The following SORCS3 variants were observed in gnomAD, a reference collection of about 807,000 sequenced individuals.
SORCS3 encodes the protein sortilin related VPS10 domain containing receptor 3.
A neutral mutation model predicts 146.3 loss-of-function variants in SORCS3; 57 were observed. That is an observed-to-expected ratio of 0.39 (90% CI 0.31 to 0.49). The LOEUF is 0.49. Ranked by LOEUF, SORCS3 falls within the 20% of genes least tolerant of loss-of-function variation. The probability of loss-of-function intolerance (pLI) is 0.92; values close to 1 mark genes in which losing one functional copy is unlikely to be tolerated. For missense variants in SORCS3, 1,341 were observed against 1,575.5 expected (o/e 0.85, Z 2.52); for synonymous variants, 653 against 618.5 (o/e 1.06, Z -0.83).
At chr10:105,120,531 C>T (rs2055924837) in intron 7 of SORCS3, among the ~76,000 whole-genome samples, 1 of 152,078 alleles carries the variant, frequency 6.6e-6, no homozygotes, top group Non-Finnish European at 1.5e-5. Context: ...ACAGGATGCC[C>T]ATCAATCCCT....
At chr10:105,096,712 G>A (rs1255509367) in intron 6 of SORCS3, among the ~76,000 whole-genome samples, 1 of 152,058 alleles carries the variant, frequency 6.6e-6, no homozygotes, top group Non-Finnish European at 1.5e-5. Flanking sequence ...GTAGAAATGG[G>A]GTGTGGGAAA....
chr10:104,836,726 T>C (rs1312757641), intron 1 of SORCS3, among the ~76,000 whole-genome samples: 3 of 152,140 alleles, frequency 2.0e-5, no homozygotes, highest in Non-Finnish European at 2.9e-5. Context: ...TTGTGCCTTG[T>C]TTCCCACCTT....
At chr10:104,867,700 C>G (rs1564701803) in intron 2 of SORCS3, among the ~76,000 whole-genome samples, 1 of 152,138 alleles carries the variant, frequency 6.6e-6, no homozygotes, top group Non-Finnish European at 1.5e-5. Flanking sequence ...TTGCTTGCCT[C>G]ATCCCAGTCC....
At chr10:104,976,063 A>T (rs1803171030) in intron 3 of SORCS3, among the ~76,000 whole-genome samples, 1 of 152,224 alleles carries the variant, frequency 6.6e-6, no homozygotes. Context: ...GACAAATGGG[A>T]TCTAATTAAA....
rs2056719014 is a variant in SORCS3 at position 105,223,914 on chromosome 10, T to G, written c.2868+665T>G. On this transcript the variant is annotated intron_variant, in intron 20 of 26. Coordinates refer to ENST00000369701, the MANE Select transcript of SORCS3 (RefSeq NM_014978.3). Reference sequence around the variant, plus strand: ...AGGTAATGTTCTTCTCTATTCCTGTTTTATAAAGAACACTTCATTTTTGAG... The same window carrying G: ...AGGTAATGTTCTTCTCTATTCCTGTGTTATAAAGAACACTTCATTTTTGAG... Among the ~76,000 whole-genome samples, 5 of 152,202 alleles carry G rather than the reference T, an allele frequency of 3.3e-5. No homozygotes were observed. In the South Asian group the frequency reaches 1.0e-3, roughly 32 times the overall value.
chr10:104,768,742 C>T (rs1312782467), intron 1 of SORCS3, among the ~76,000 whole-genome samples: 1 of 152,188 alleles, frequency 6.6e-6, no homozygotes, highest in Non-Finnish European at 1.5e-5. Context: ...CCCCTTGCTC[C>T]CTCCAACCCA....
At chr10:104,696,722 C>A (rs371532263) in intron 1 of SORCS3, among the ~76,000 whole-genome samples, 15 of 23,146 alleles carry the variant, frequency 6.5e-4, no homozygotes, top group Non-Finnish European at 8.6e-4. Context: ...TAATATATAA[C>A]ATATATAATA....
chr10:105,050,014 T>A (rs1377647041), intron 5 of SORCS3, among the ~76,000 whole-genome samples: 3 of 146,320 alleles, frequency 2.1e-5, no homozygotes, highest in Non-Finnish European at 4.5e-5. Flanking sequence ...TATGTGTATA[T>A]GTGTATGTGT....
At chr10:104,873,919 G>T (rs2035750) in intron 2 of SORCS3, among the ~76,000 whole-genome samples, 14,921 of 152,236 alleles carry the variant, frequency 0.098, 900 homozygotes, top group South Asian at 0.28. Flanking sequence ...TAATTGAATT[G>T]CTATCCCATG....
chr10:105,220,727 C>T (rs537029088), intron 19 of SORCS3, among the ~76,000 whole-genome samples: 7 of 152,216 alleles, frequency 4.6e-5, no homozygotes, highest in Admixed American at 6.5e-5. Context: ...AGGAGCCCCG[C>T]CCCACAGCCT....
At chr10:104,697,482 C>G (rs139243320) in intron 1 of SORCS3, among the ~76,000 whole-genome samples, 1 of 152,122 alleles carries the variant, frequency 6.6e-6, no homozygotes, top group East Asian at 1.9e-4. Context: ...TTCTCCTGGG[C>G]GAGAAATTGC....
intron 7 of SORCS3, among the ~76,000 whole-genome samples, chr10:105,121,883 C>G (rs543748140): frequency 3.6e-4 from 55 of 152,268 alleles, no homozygotes; most frequent in African/African-American, 1.3e-3. Context: ...TTCTCCAGCC[C>G]TTTCCTCCTC....
At chr10:104,669,813 A>G (rs1021977404) in intron 1 of SORCS3, among the ~76,000 whole-genome samples, 2 of 151,952 alleles carry the variant, frequency 1.3e-5, no homozygotes, top group Non-Finnish European at 1.5e-5. Flanking sequence ...TTTTTGAGGA[A>G]CCATCACACT....
intron 7 of SORCS3, among the ~76,000 whole-genome samples, chr10:105,115,580 A>G (rs1046099899): frequency 6.6e-6 from 1 of 152,186 alleles, no homozygotes; most frequent in Non-Finnish European, 1.5e-5. Flanking sequence ...TTTTAATGAT[A>G]TATATGAGAT....
intron 3 of SORCS3, among the ~76,000 whole-genome samples, chr10:104,925,583 C>T (rs4584504): frequency 0.49 from 74,773 of 152,100 alleles, 22,127 homozygotes; most frequent in African/African-American, 0.84. Flanking sequence ...TAGGAAAAAG[C>T]AGGTTTTTGT....
chr10:105,139,359 G>A (rs1392791131), intron 7 of SORCS3, 38 bp from the exon 8 acceptor site: 5 of 1,475,778 alleles, frequency 3.4e-6, no homozygotes, highest in East Asian at 2.3e-5. Flanking sequence ...ATGATCTGTG[G>A]CCTCATCTGA....
intron 1 of SORCS3, among the ~76,000 whole-genome samples, chr10:104,675,996 T>C (rs575026179): frequency 2.6e-4 from 39 of 152,342 alleles, no homozygotes; most frequent in Admixed American, 1.3e-3. Flanking sequence ...CAGTGTTTCA[T>C]ACTTTTCAGT....
intron 1 of SORCS3, among the ~76,000 whole-genome samples, chr10:104,651,733 A>G (rs948883134): frequency 2.6e-5 from 4 of 151,952 alleles, no homozygotes; most frequent in African/African-American, 9.7e-5. Context: ...GTTAATTCTC[A>G]TTTGGAGATC....
intron 11 of SORCS3, among the ~76,000 whole-genome samples, chr10:105,163,883 TACACACAC>T (rs67886313): frequency 2.4e-3 from 326 of 138,706 alleles, no homozygotes; most frequent in Middle Eastern, 3.7e-3. Context: ...GTTACGCACA[TACACACAC>T]ACACACACAC....
Sources: allele counts gnomAD v4.1 joint callset (sites outside exome capture counted in the v4.1 genomes callset), GRCh38; gene constraint gnomAD v4.1.1; transcripts MANE v1.5; gene names NCBI Gene and HGNC (gene_info 2026-07-23, HGNC 2026-07-21).